Variants in FOXP1 observed in about 807,000 individuals in gnomAD.
The protein encoded by FOXP1 is forkhead box P1.
A neutral mutation model predicts 98.2 loss-of-function variants in FOXP1; 15 were observed. That is an observed-to-expected ratio of 0.15 (90% confidence interval 0.10 to 0.24). The LOEUF (loss-of-function observed/expected upper bound fraction) is 0.24, where lower values mean the gene tolerates loss of function less well. FOXP1 is among the 10% of genes least tolerant of loss of function. FOXP1 has a pLI of 1.00. For missense variants in FOXP1, 633 were observed against 848.5 expected, an observed-to-expected ratio of 0.75 and a Z score of 3.15; for synonymous variants, 371 against 314.5, an observed-to-expected ratio of 1.18 and a Z score of -1.90.
At chr3:71,581,824 G>T in intron 1 of FOXP1, 127 bp from the exon 2 acceptor site, 1 of 986,224 alleles carries the variant, frequency 1.0e-6, no homozygotes, top group Non-Finnish European at 1.2e-6. Flanking sequence ...GGGCTCCGAG[G>T]ACCCGCGAGT....
intron 6 of FOXP1, among the ~76,000 whole-genome samples, chr3:71,166,169 G>C (rs975303262): frequency 6.6e-6 from 1 of 152,160 alleles, no homozygotes; most frequent in African/African-American, 2.4e-5. Flanking sequence ...TATGTGCAGG[G>C]AGTCTTCCAG....
chr3:71,173,406 C>CACACAT (rs1439247027), intron 6 of FOXP1, among the ~76,000 whole-genome samples: 15 of 151,870 alleles, frequency 9.9e-5, no homozygotes, highest in Non-Finnish European at 1.9e-4. Flanking sequence ...CACACACACA[C>CACACAT]ACACACACAC....
At chr3:71,329,017 AATGGCCAAATTGGCTC>A (rs2076119033) in intron 4 of FOXP1, among the ~76,000 whole-genome samples, 1 of 145,548 alleles carries the variant, frequency 6.9e-6, no homozygotes, top group Non-Finnish European at 1.5e-5. Context: ...ACAGTTTCAG[AATGGCCAAATTGGCTC>A]AGTTGGTCCT....
At chr3:71,520,777 T>C (rs1394503835) in intron 2 of FOXP1, among the ~76,000 whole-genome samples, 14 of 152,158 alleles carry the variant, frequency 9.2e-5, no homozygotes, top group Non-Finnish European at 1.5e-4. Flanking sequence ...TCAATTGAAA[T>C]TTTCGTGACA....
At chr3:71,290,318 A>G (rs1192317851) in intron 5 of FOXP1, among the ~76,000 whole-genome samples, 1 of 152,210 alleles carries the variant, frequency 6.6e-6, no homozygotes, top group Non-Finnish European at 1.5e-5. Context: ...CCCGTCATTC[A>G]AGACAAAAAT....
At chr3:71,469,185 C>A (rs1028571069) in intron 3 of FOXP1, among the ~76,000 whole-genome samples, 4 of 152,142 alleles carry the variant, frequency 2.6e-5, no homozygotes, top group African/African-American at 4.8e-5. Context: ...TCCATATATG[C>A]CCAGCCAGAA....
chr3:71,179,232 G>A (rs886929625), intron 6 of FOXP1, among the ~76,000 whole-genome samples: 4 of 148,296 alleles, frequency 2.7e-5, no homozygotes, highest in South Asian at 2.1e-4. Context: ...GGGTTCAAGC[G>A]ATTCTCCTGC....
chr3:71,050,769 C>T (rs1229708005), intron 9 of FOXP1, among the ~76,000 whole-genome samples: 2 of 152,208 alleles, frequency 1.3e-5, no homozygotes, highest in Admixed American at 6.5e-5. Context: ...CAATGACAAG[C>T]ACTGTCTGAG....
At chr3:71,031,250 A>AAG (rs1266232929) in intron 11 of FOXP1, among the ~76,000 whole-genome samples, 1 of 152,224 alleles carries the variant, frequency 6.6e-6, no homozygotes, top group African/African-American at 2.4e-5. Context: ...AATGGAGAGA[A>AAG]AGAGAGAGAT....
chr3:71,350,537 G>C (rs2077709485), intron 4 of FOXP1, among the ~76,000 whole-genome samples: 1 of 152,176 alleles, frequency 6.6e-6, no homozygotes, highest in African/African-American at 2.4e-5. Flanking sequence ...GATGGTTGAA[G>C]AGAAGAATGA....
chr3:71,413,128 A>G (rs2082890763), intron 3 of FOXP1, among the ~76,000 whole-genome samples: 2 of 147,978 alleles, frequency 1.4e-5, no homozygotes, highest in African/African-American at 5.0e-5. Context: ...ACACACACAC[A>G]CGCACCCCCA....
intron 3 of FOXP1, among the ~76,000 whole-genome samples, chr3:71,404,779 C>G (rs1314596160): frequency 6.6e-6 from 1 of 152,174 alleles, no homozygotes; most frequent in South Asian, 2.1e-4. Context: ...TTACCCCACA[C>G]AGAGAAGCCC....
intron 2 of FOXP1, among the ~76,000 whole-genome samples, chr3:71,552,049 C>T (rs1346852127): frequency 6.6e-6 from 1 of 152,110 alleles, no homozygotes; most frequent in African/African-American, 2.4e-5. Context: ...TGCAAAGATT[C>T]CACAAAGACA....
rs77918788 is a variant in FOXP1 at position 71,544,137 on chromosome 3, A to G, written c.-298+37412T>C. 5.0e-3 allele frequency among the ~76,000 whole-genome samples: 758 copies of G among 152,098 alleles called. 16 individuals are homozygous for G. The East Asian group carries it at 0.055, about 11-fold the overall frequency. ...TTTTAGGAAAATCAGAGCCGAATAC[A>G]TACAAGTGACCAATGCCGTAGCAGT... On this transcript the variant is annotated intron_variant, in intron 2 of 20. Coordinates refer to ENST00000649528, the MANE Select transcript of FOXP1 (RefSeq NM_001349338.3).
intron 2 of FOXP1, among the ~76,000 whole-genome samples, chr3:71,497,086 C>T (rs2091471619): frequency 6.6e-6 from 1 of 151,632 alleles, no homozygotes; most frequent in African/African-American, 2.4e-5. Flanking sequence ...TAAAAAAATA[C>T]AGCAACTGAA....
At chr3:71,503,270 C>T (rs565154336) in intron 2 of FOXP1, among the ~76,000 whole-genome samples, 3 of 152,180 alleles carry the variant, frequency 2.0e-5, no homozygotes, top group East Asian at 3.9e-4. Context: ...AGCCATCTTA[C>T]CAGAGGCCTT....
chr3:71,457,815 G>C (rs1200713412), intron 3 of FOXP1, among the ~76,000 whole-genome samples: 2 of 152,152 alleles, frequency 1.3e-5, no homozygotes, highest in Non-Finnish European at 2.9e-5. Context: ...GGGTAAGTTT[G>C]TTTACTACAA....
intron 11 of FOXP1, among the ~76,000 whole-genome samples, chr3:71,019,128 G>C (rs2044998986): frequency 6.6e-6 from 1 of 152,114 alleles, no homozygotes; most frequent in African/African-American, 2.4e-5. Flanking sequence ...TATTCTTACT[G>C]CCTTTTGGGT....
rs2042473574 is a variant in FOXP1, at chr3:71,004,198, T to C, written c.975-3139A>G. Among the ~76,000 whole-genome samples, 3 of 152,258 alleles carry C rather than the reference T, an allele frequency of 2.0e-5. No homozygotes were observed. The South Asian group carries it at 6.2e-4, about 32-fold the overall frequency. ...TTAAAAATGCCACTGTATTTTGTTT[T>C]GTTTTTAAAATGATCACGGCTACCA... On this transcript the variant is annotated intron_variant, in intron 12 of 20. Coordinates refer to ENST00000649528, the MANE Select transcript of FOXP1 (RefSeq NM_001349338.3).
Sources: allele counts gnomAD v4.1 joint callset (sites outside exome capture counted in the v4.1 genomes callset), GRCh38; gene constraint gnomAD v4.1.1; transcripts MANE v1.5; gene names NCBI Gene and HGNC (gene_info 2026-07-23, HGNC 2026-07-21).